Variants in ZNF710 observed in about 807,000 individuals in gnomAD.
ZNF710 encodes zinc finger protein 710.
ZNF710 carries 13 observed loss-of-function variants against 50.6 expected under a neutral mutation model. The observed-to-expected ratio is 0.26, with a 90% CI of 0.17 to 0.41. The LOEUF is 0.41. Among genes scored for constraint, ZNF710 ranks in the 10% least tolerant of loss-of-function variants. The probability of loss-of-function intolerance (pLI) is 1.00; values close to 1 mark genes in which losing one functional copy is unlikely to be tolerated. For missense variants in ZNF710, 721 were observed against 936.6 expected (o/e 0.77, Z 3.01); for synonymous variants, 383 against 397.0 (o/e 0.96, Z 0.42).
At chr15:90,075,380 G>A (rs2151539515) in intron 4 of ZNF710, 1 of 152,292 alleles carries the variant, frequency 6.6e-6, no homozygotes, top group Middle Eastern at 3.4e-3. Context: ...AAATTAGCTG[G>A]GTGTGGTGGC....
chr15:90,043,908 T>C (rs1258582152), intron 1 of ZNF710, among the ~76,000 whole-genome samples: 2 of 151,982 alleles, frequency 1.3e-5, no homozygotes, highest in Admixed American at 6.6e-5. Flanking sequence ...TTCAGTTCCT[T>C]TTTTTTTCCC....
chr15:90,005,728 G>A lies in ZNF710; in HGVS notation c.-29+4114G>A, dbSNP rs908897838. ...CTCCCAAAGTGCTGGGATTACAGGC[G>A]TGAGCCACTGCACCCGGCCTAAAAC... On this transcript the variant is annotated intron_variant, in intron 1 of 4. Transcript: ENST00000268154. Among the ~76,000 whole-genome samples the A allele has an allele frequency of 3.9e-5, 6 of 152,198 alleles. No homozygotes were observed. The South Asian group carries it at 8.3e-4, about 21-fold the overall frequency.
chr15:90,020,525 A>G (rs1250326576), intron 1 of ZNF710, among the ~76,000 whole-genome samples: 7 of 151,766 alleles, frequency 4.6e-5, no homozygotes, highest in Non-Finnish European at 7.4e-5. Flanking sequence ...TGCTGCCGGG[A>G]TGGGTTACAA....
At chr15:90,055,617 A>G (rs1004958500) in intron 1 of ZNF710, among the ~76,000 whole-genome samples, 1 of 152,240 alleles carries the variant, frequency 6.6e-6, no homozygotes, top group Non-Finnish European at 1.5e-5. Flanking sequence ...TTAGCATGCT[A>G]GGGCAAGGGA....
In ZNF710 at chr15:90,015,487, T is replaced by C. The variant is rs188922891; in HGVS notation, c.-29+13873T>C. 6.6e-5 allele frequency among the ~76,000 whole-genome samples: 10 copies of C among 152,214 alleles called. No homozygotes were observed. The South Asian group carries it at 8.3e-4, about 13-fold the overall frequency. ...GTGTGAAATGATGCATTTTTCAAGA[T>C]AGTTAATTGCATCATTGCTTGTAAA... On this transcript the variant is annotated intron_variant, in intron 1 of 4. Transcript: ENST00000268154.
chr15:90,053,575 A>C (rs1899713529), intron 1 of ZNF710, among the ~76,000 whole-genome samples: 1 of 152,006 alleles, frequency 6.6e-6, no homozygotes, highest in Non-Finnish European at 1.5e-5. Context: ...CCTGAGCTCA[A>C]ATGATCCTCC....
chr15:90,047,966 G>A (rs1176874490), intron 1 of ZNF710, among the ~76,000 whole-genome samples: 3 of 152,200 alleles, frequency 2.0e-5, no homozygotes, highest in Non-Finnish European at 4.4e-5. Context: ...ATGTTCTAAA[G>A]CTATTAACCG....
chr15:90,074,272 A>G lies in ZNF710; in HGVS notation c.1807A>G (p.Ile603Val), dbSNP rs1179070532. 1.2e-6 allele frequency: 2 copies of G among 1,613,576 alleles called. No homozygotes were observed. The highest frequency in any genetic ancestry group is 2.2e-5 in the East Asian group (1 of 44,880). The change falls in exon 4 of 5, where the codon ATC becomes GTC. Residue 603 changes from isoleucine to valine, a missense_variant. Transcript: ENST00000268154. ...GAAGGTCAAGCATGGCGTCATGGAC[A>G]TCGGCCTGGACAGCCAAGGTGGGTG... ...HMKVKHGVMD[I>V]GLDSQDPMME...
chr15:90,061,919 G>C (rs1406652777), intron 1 of ZNF710, among the ~76,000 whole-genome samples: 1 of 152,186 alleles, frequency 6.6e-6, no homozygotes, highest in Non-Finnish European at 1.5e-5. Context: ...GTCACAGTTA[G>C]AGATTCCAGA....
chr15:90,021,168 T>C (rs773422954), intron 1 of ZNF710, among the ~76,000 whole-genome samples: 14 of 152,192 alleles, frequency 9.2e-5, no homozygotes, highest in Non-Finnish European at 2.1e-4. Context: ...GCGTCCTTTG[T>C]TGGATGGAAA....
chr15:90,001,033 C>A (rs1008787799), upstream of ZNF710, among the ~76,000 whole-genome samples: 1 of 151,578 alleles, frequency 6.6e-6, no homozygotes, highest in Non-Finnish European at 1.5e-5. Context: ...GGAAAAAAGG[C>A]GTGACTTGAT....
chr15:90,071,764 C>T (rs931354216), intron 2 of ZNF710, among the ~76,000 whole-genome samples: 10 of 151,294 alleles, frequency 6.6e-5, no homozygotes, highest in South Asian at 2.1e-4. Flanking sequence ...CTGCAACCTC[C>T]GCCTCCTGGG....
At position 90,068,431 on chromosome 15, in the gene ZNF710, C is replaced by G; in HGVS notation, c.1294C>G (p.Pro432Ala). ...LKRHLASHQG[P>A]TLYQCLECDK... ...GCGCCACCTGGCCTCCCACCAGGGC[C>G]CCACCCTCTACCAGTGCCTCGAGTG... The change falls in exon 2 of 5, where the codon CCC (proline) becomes GCC (alanine). Residue 432 changes from proline to alanine, a missense_variant. By Grantham distance (27) the Pro-to-Ala change is conservative (BLOSUM62 -1). Around this residue, in one of 3 missense-constraint regions of ZNF710, gnomAD observed 326 missense variants for 522.0 expected, o/e 0.62. Coordinates refer to ENST00000268154, the MANE Select transcript of ZNF710 (RefSeq NM_198526.4). This position sits in a 1 kb window ranked among gnomAD's most constrained non-coding sequence, Gnocchi z 5.0. 6.2e-7 allele frequency: 1 copy of G among 1,614,094 alleles called. No homozygotes were observed. The highest frequency in any genetic ancestry group is 8.5e-7 in the Non-Finnish European group (1 of 1,180,050).
intron 1 of ZNF710, among the ~76,000 whole-genome samples, chr15:90,057,307 G>A (rs10152149): frequency 0.09 from 13,653 of 152,096 alleles, 2,070 homozygotes; most frequent in African/African-American, 0.31. Flanking sequence ...GCCATTAGGC[G>A]AAGGTGAGGA....
chr15:90,036,503 C>T (rs948589326), intron 1 of ZNF710, among the ~76,000 whole-genome samples: 1 of 152,054 alleles, frequency 6.6e-6, no homozygotes, highest in African/African-American at 2.4e-5. Context: ...CATTGGGAGC[C>T]TGGAATGAAT....
At position 90,022,518 on chromosome 15, in the gene ZNF710, A is replaced by G. The variant is rs191967287; in HGVS notation, c.-29+20904A>G. Among the ~76,000 whole-genome samples the G allele has an allele frequency of 3.2e-3, 481 of 152,300 alleles. 3 individuals carry two copies. Among genetic ancestry groups the G allele is most frequent in the African/African-American group, 0.011 (460 of 41,564 alleles). ...CAGGTATAGGTAGGGACCAACTGAGAATGTGTCAAAAGGCTCGGGCTTCAT... is the reference window on the plus strand; with the variant it reads ...CAGGTATAGGTAGGGACCAACTGAGGATGTGTCAAAAGGCTCGGGCTTCAT... On this transcript the variant is annotated intron_variant, in intron 1 of 4. Transcript: ENST00000268154.
In ZNF710 at chr15:90,081,181, C is replaced by A; in HGVS notation, c.*1352C>A. ...GTCCCATCCTCGGCTGTCAGGGCTG[C>A]TGACTCTGCTCAGCCAACAGCTAGC... On this transcript the variant is annotated 3_prime_UTR_variant, in exon 5 of 5. Coordinates refer to ENST00000268154, the MANE Select transcript of ZNF710 (RefSeq NM_198526.4). 6.6e-6 allele frequency: 1 copy of A among 152,650 alleles called. No homozygotes were observed. The highest frequency in any genetic ancestry group is 1.5e-5 in the Non-Finnish European group (1 of 68,280). The allele number at this position is 152,650 out of a possible 1,614,324, so 9.5% of individuals were successfully genotyped here.
In ZNF710 at chr15:90,068,472, C is replaced by G. The variant is rs766798680; in HGVS notation, c.1335C>G (p.His445Gln). The change falls in exon 2 of 5, where the codon CAC becomes CAG. Residue 445 changes from histidine to glutamine, a missense_variant. Physicochemically the swap from His to Gln is conservative, Grantham distance 24. This residue lies in a region of ZNF710 where 326 missense variants were observed against 522.0 expected (regional missense o/e 0.62). Coordinates refer to ENST00000268154, the MANE Select transcript of ZNF710 (RefSeq NM_198526.4). The surrounding 1 kb of genome is among the most constrained non-coding windows in gnomAD (Gnocchi z 5.0). ...YQCLECDKSF[H>Q]YRSQLQNHML... ...GCCTCGAGTGTGACAAGTCCTTCCA[C>G]TACCGCAGCCAGTTGCAGAACCACA... 3.1e-6 allele frequency: 5 copies of G among 1,614,142 alleles called. No individual in the cohort carries two copies. Among genetic ancestry groups the G allele is most frequent in the Non-Finnish European group, 4.2e-6 (5 of 1,180,048 alleles).
At chr15:90,073,290 G>A in intron 3 of ZNF710, 28 bp downstream of exon 3, 1 of 1,603,190 alleles carries the variant, frequency 6.2e-7, no homozygotes. Context: ...CCCGGGGCTG[G>A]GACCTCCCCG....
Sources: gnomAD v4.1 joint callset for allele counts (sites outside exome capture counted in the v4.1 genomes callset) on GRCh38, gnomAD v4.1.1 for gene constraint, gnomAD v4.1.1 regional missense constraint, Gnocchi (gnomAD v3.1) non-coding constraint, MANE v1.5 for transcripts, NCBI Gene and HGNC (gene_info 2026-07-23, HGNC 2026-07-21) for gene names.